The following BCAS3 variants were observed in gnomAD, a reference collection of about 807,000 sequenced individuals.
BCAS3 encodes the protein BCAS4/BCAS3 fusion.
Under a neutral mutation model 116.1 loss-of-function variants are expected in BCAS3, and 53 were observed. The observed-to-expected ratio is 0.46, with a 90% CI of 0.37 to 0.57. The LOEUF (loss-of-function observed/expected upper bound fraction) is 0.57, where lower values mean the gene tolerates loss of function less well. Among genes scored for constraint, BCAS3 ranks in the 20% least tolerant of loss-of-function variants. The pLI is 0.00. For missense variants in BCAS3, 917 were observed against 1,165.4 expected, an observed-to-expected ratio of 0.79 and a Z score of 3.10; for synonymous variants, 391 against 408.2, an observed-to-expected ratio of 0.96 and a Z score of 0.51.
intron 19 of BCAS3, among the ~76,000 whole-genome samples, chr17:61,071,245 T>G (rs532063942): frequency 1.6e-4 from 24 of 152,352 alleles, no homozygotes; most frequent in Non-Finnish European, 8.8e-5. Flanking sequence ...ATAACCATGC[T>G]TATTTCAGAA....
In BCAS3 at chr17:61,323,463, C is replaced by T. The variant is rs1484733217; in HGVS notation, c.2426-44864C>T. 2.6e-5 allele frequency among the ~76,000 whole-genome samples: 4 copies of T among 152,186 alleles called. No homozygotes were observed. The highest frequency in any genetic ancestry group is 5.9e-5 in the Non-Finnish European group (4 of 68,038). On this transcript the variant is annotated intron_variant, in intron 22 of 23. Transcript: ENST00000407086. The surrounding 1 kb of genome is among the most constrained non-coding windows in gnomAD (Gnocchi z 4.6). ...AATCACAGGAGTGGCCCTGAACGGA[C>T]TTAGGATTTGGTTTTCTACTCTGTG...
At chr17:60,732,616 A>C (rs530637108) in intron 5 of BCAS3, among the ~76,000 whole-genome samples, 31 of 152,146 alleles carry the variant, frequency 2.0e-4, no homozygotes, top group African/African-American at 7.0e-4. Flanking sequence ...TGAGGCGGGC[A>C]GATCACGAGG....
Position 61,118,107 on chromosome 17 carries a change from A to T in BCAS3, c.2425+33543A>T, listed in dbSNP as rs1007769578. ...TCAGTTGAAAGCTGGGCATTTCCCTATGATATGAATTGTACTTAAACCTTC... is the reference window on the plus strand; with the variant it reads ...TCAGTTGAAAGCTGGGCATTTCCCTTTGATATGAATTGTACTTAAACCTTC... On this transcript the variant is annotated intron_variant, in intron 22 of 23. Transcript: ENST00000407086. The surrounding 1 kb of genome is among the most constrained non-coding windows in gnomAD (Gnocchi z 5.0). Among the ~76,000 whole-genome samples, 1 of 152,080 alleles carries T rather than the reference A, an allele frequency of 6.6e-6. No homozygotes were observed. The highest frequency in any genetic ancestry group is 1.5e-5 in the Non-Finnish European group (1 of 68,020).
At chr17:60,810,348 G>A (rs1214868846) in intron 7 of BCAS3, 3 of 446,528 alleles carry the variant, frequency 6.7e-6, no homozygotes, top group African/African-American at 6.1e-5. Flanking sequence ...TGGGGTCCAG[G>A]GGCCTGGTTG....
chr17:61,374,945 T>A (rs1260921332), intron 23 of BCAS3, among the ~76,000 whole-genome samples: 1 of 152,246 alleles, frequency 6.6e-6, no homozygotes, highest in African/African-American at 2.4e-5. Context: ...CTCTAGCTTG[T>A]TCACCTAAAT....
intron 22 of BCAS3, among the ~76,000 whole-genome samples, chr17:61,110,435 C>T (rs927803148): frequency 1.1e-4 from 16 of 151,336 alleles, no homozygotes; most frequent in South Asian, 4.2e-4. Flanking sequence ...ACTTGGGAAG[C>T]GCAAGGGGTC....
rs1303030734 is a variant in BCAS3, at chr17:61,205,076, T to C, written c.2425+120512T>C. On this transcript the variant is annotated intron_variant, in intron 22 of 23. Coordinates refer to ENST00000407086, the MANE Select transcript of BCAS3 (RefSeq NM_017679.5). This position sits in a 1 kb window ranked among gnomAD's most constrained non-coding sequence, Gnocchi z 5.2. ...AGGATAAAAATTTAGGGAGGCCGAT[T>C]CCATCTGCAATCAAAAGCTAACTTT... is the stretch of plus-strand genomic sequence containing the variant. Among the ~76,000 whole-genome samples, 1 of 152,022 alleles carries C rather than the reference T, an allele frequency of 6.6e-6. No homozygotes were observed. Among genetic ancestry groups the C allele is most frequent in the Admixed American group, 6.6e-5 (1 of 15,250 alleles).
chr17:61,176,665 C>T (rs2079170633), intron 22 of BCAS3, among the ~76,000 whole-genome samples: 1 of 151,964 alleles, frequency 6.6e-6, no homozygotes, highest in South Asian at 2.1e-4. Context: ...TCAAGTGATC[C>T]TCCCACCTCA....
intron 14 of BCAS3, among the ~76,000 whole-genome samples, chr17:60,955,647 G>A (rs539712388): frequency 6.6e-6 from 1 of 152,190 alleles, no homozygotes; most frequent in East Asian, 1.9e-4. Context: ...GCCTCCCACA[G>A]TGCCAGGATT....
intron 23 of BCAS3, among the ~76,000 whole-genome samples, chr17:61,372,325 C>T (rs1212403454): frequency 6.6e-6 from 1 of 152,208 alleles, no homozygotes; most frequent in Non-Finnish European, 1.5e-5. Flanking sequence ...CAGTCCTTTT[C>T]TTCTGTCGTC....
At chr17:60,830,382 A>C (rs1003637406) in intron 7 of BCAS3, among the ~76,000 whole-genome samples, 1 of 152,212 alleles carries the variant, frequency 6.6e-6, no homozygotes, top group Non-Finnish European at 1.5e-5. Context: ...ATAGTTGGAA[A>C]ACTTACCTGG....
intron 7 of BCAS3, among the ~76,000 whole-genome samples, chr17:60,863,108 A>G (rs1254672650): frequency 6.6e-6 from 1 of 152,042 alleles, no homozygotes; most frequent in African/African-American, 2.4e-5. Context: ...GAGCAATTTA[A>G]TTTTTTTCAT....
chr17:60,988,098 C>A (rs2063265956), intron 14 of BCAS3, among the ~76,000 whole-genome samples: 1 of 151,658 alleles, frequency 6.6e-6, no homozygotes, highest in African/African-American at 2.4e-5. Flanking sequence ...TGGTTTTTAT[C>A]CATTATTCTC....
intron 19 of BCAS3, among the ~76,000 whole-genome samples, chr17:61,057,722 T>A (rs2069535007): frequency 6.6e-6 from 1 of 152,136 alleles, no homozygotes; most frequent in Non-Finnish European, 1.5e-5. Flanking sequence ...TCTAATAGTT[T>A]GCAAATAATT....
At chr17:61,370,129 C>T (rs2058970398) in intron 23 of BCAS3, among the ~76,000 whole-genome samples, 1 of 152,198 alleles carries the variant, frequency 6.6e-6, no homozygotes, top group Admixed American at 6.5e-5. Flanking sequence ...AGCAATGCAT[C>T]TGCCAGACAG....
At chr17:61,372,445 A>C (rs1310826765) in intron 23 of BCAS3, among the ~76,000 whole-genome samples, 1 of 152,182 alleles carries the variant, frequency 6.6e-6, no homozygotes, top group African/African-American at 2.4e-5. Context: ...GATGATTTCC[A>C]AATAATTTCC....
intron 22 of BCAS3, among the ~76,000 whole-genome samples, chr17:61,317,954 C>A (rs1320109320): frequency 7.8e-6 from 1 of 127,922 alleles, no homozygotes; most frequent in African/African-American, 3.1e-5. Flanking sequence ...CAGGCAGAGC[C>A]TGAACGAATG....
chr17:60,884,588 T>A (rs1425533142), intron 9 of BCAS3, among the ~76,000 whole-genome samples: 1 of 144,928 alleles, frequency 6.9e-6, no homozygotes, highest in East Asian at 2.0e-4. Flanking sequence ...TTTAGTGCTA[T>A]AAATTTCCCT....
chr17:61,320,088 C>T (rs2055081214), intron 22 of BCAS3, among the ~76,000 whole-genome samples: 1 of 151,640 alleles, frequency 6.6e-6, no homozygotes, highest in Admixed American at 6.6e-5. Context: ...CAGGGTTTTG[C>T]TATGTTTGCC....
Sources: gnomAD v4.1 joint callset for allele counts (sites outside exome capture counted in the v4.1 genomes callset) on GRCh38, gnomAD v4.1.1 for gene constraint, Gnocchi (gnomAD v3.1) non-coding constraint, MANE v1.5 for transcripts, NCBI Gene and HGNC (gene_info 2026-07-23, HGNC 2026-07-21) for gene names.